TRIM63: variants seen among roughly 807,000 people sequenced by gnomAD.
TRIM63 encodes E3 ubiquitin-protein ligase TRIM63.
TRIM63 carries 48 observed loss-of-function variants against 46.0 expected under a neutral mutation model. That is an observed-to-expected ratio of 1.04 (90% CI 0.83 to 1.33). TRIM63 has a LOEUF of 1.33. TRIM63 is among the 40% of genes most tolerant of loss of function. TRIM63 has a pLI of 0.00. For synonymous variants in TRIM63, 175 were observed against 162.8 expected, an observed-to-expected ratio of 1.08 and a Z score of -0.57; for missense variants, 455 against 441.2, an observed-to-expected ratio of 1.03 and a Z score of -0.28.
In TRIM63 at chr1:26,066,349, A is replaced by G; in HGVS notation, c.251T>C (p.Met84Thr). 6.2e-7 allele frequency: 1 copy of G among 1,614,072 alleles called. No homozygotes were observed. ...RCPTCRHEVIMDRHGVYGLQR... is the reference protein window; with the variant it reads ...RCPTCRHEVITDRHGVYGLQR... The stretch of plus-strand genomic sequence containing the variant: ...CAGGCCGTACACTCCGTGACGATCC[A>G]TGATCACCTCGTGGCGGCAGGTGGG... The change falls in exon 2 of 9, where the codon ATG becomes ACG. Residue 84 changes from methionine (M) to threonine (T), a missense_variant. Transcript: ENST00000374272.
At chr1:26,065,877 C>T (rs987080198) in intron 2 of TRIM63, among the ~76,000 whole-genome samples, 2 of 152,234 alleles carry the variant, frequency 1.3e-5, no homozygotes, top group African/African-American at 4.8e-5. Context: ...CAGTGCCTGA[C>T]GCTGTTCCTC....
intron 4 of TRIM63, among the ~76,000 whole-genome samples, chr1:26,058,924 C>T (rs2050597537): frequency 6.6e-6 from 1 of 152,134 alleles, no homozygotes; most frequent in African/African-American, 2.4e-5. Context: ...CCTGCACCCT[C>T]CCCCTGTCCC....
At chr1:26,053,994 G>A in intron 7 of TRIM63, 30 bp from the exon 8 acceptor site, 1 of 1,535,010 alleles carries the variant, frequency 6.5e-7, no homozygotes, top group Admixed American at 2.0e-5. Flanking sequence ...GTGTTAGGAT[G>A]GGGCCGGTTC....
intron 8 of TRIM63, among the ~76,000 whole-genome samples, chr1:26,053,091 G>A (rs968267469): frequency 1.3e-5 from 2 of 151,840 alleles, no homozygotes; most frequent in Admixed American, 6.6e-5. Context: ...CTACAGATAT[G>A]TACCACCATG....
At chr1:26,060,170 CA>C in intron 4 of TRIM63, 95 bp downstream of exon 4, 1 of 1,149,352 alleles carries the variant, frequency 8.7e-7, no homozygotes, top group Non-Finnish European at 1.3e-6. Flanking sequence ...CTCCGGGCCC[CA>C]ACCTTTAGCC....
chr1:26,061,365 G>A, intron 2 of TRIM63, 31 bp from the exon 3 acceptor site: 1 of 1,606,308 alleles, frequency 6.2e-7, no homozygotes, highest in South Asian at 1.1e-5. Flanking sequence ...AAGTCATGGG[G>A]GTCCTGTGTC....
chr1:26,067,186 C>T (rs1276765498), intron 1 of TRIM63, 150 bp downstream of exon 1: 3 of 972,104 alleles, frequency 3.1e-6, no homozygotes, highest in African/African-American at 3.3e-5. Flanking sequence ...CTCCCAGCCC[C>T]CTCTCAGCCC....
chr1:26,058,569 C>T lies in TRIM63; in HGVS notation c.652G>A (p.Ala218Thr), dbSNP rs1244328297. ...ELSQKFDTLY[A>T]ILDEKKSELL... ...TCACTTTTCTTCTCATCCAGGATGGCATACAACGTGTCAAACTTCTGGCTC... is the reference window on the plus strand; with the variant it reads ...TCACTTTTCTTCTCATCCAGGATGGTATACAACGTGTCAAACTTCTGGCTC... Residue 218 changes from alanine (A) to threonine (T), a missense_variant, in exon 5 of 9, where the codon GCC (alanine) becomes ACC (threonine). Physicochemically the swap from Ala to Thr is moderately conservative, Grantham distance 58 (BLOSUM62 0). Transcript: ENST00000374272. 1 of 1,614,208 alleles carries T rather than the reference C, an allele frequency of 6.2e-7. No individual in the cohort carries two copies. The highest frequency in any genetic ancestry group is 1.7e-5 in the Admixed American group (1 of 60,022).
At chr1:26,061,361 T>C (rs1405547095) in intron 2 of TRIM63, 27 bp from the exon 3 acceptor site, 2 of 1,608,286 alleles carry the variant, frequency 1.2e-6, no homozygotes, top group East Asian at 4.5e-5. Flanking sequence ...TCACAAGTCA[T>C]GGGGGTCCTG....
At chr1:26,057,741 A>T (rs1198546635) in intron 5 of TRIM63, 91 bp from the exon 6 acceptor site, 1 of 1,381,454 alleles carries the variant, frequency 7.2e-7, no homozygotes, top group Non-Finnish European at 9.9e-7. Flanking sequence ...TTGTAGGTAG[A>T]TATTTGGTGC....
At chr1:26,057,725 T>G in intron 5 of TRIM63, 75 bp from the exon 6 acceptor site, 1 of 1,437,888 alleles carries the variant, frequency 7.0e-7, no homozygotes, top group East Asian at 2.3e-5. Flanking sequence ...ACTAGTGAAC[T>G]AGGTGTTGTA....
At chr1:26,056,181 C>T (rs2050569034) in intron 7 of TRIM63, among the ~76,000 whole-genome samples, 1 of 152,092 alleles carries the variant, frequency 6.6e-6, no homozygotes, top group African/African-American at 2.4e-5. Flanking sequence ...AGCTGTGTTT[C>T]CCTTTTAGCT....
At chr1:26,060,387 G>A (rs763137283) in intron 3 of TRIM63, 26 bp from the exon 4 acceptor site, 3 of 1,590,174 alleles carry the variant, frequency 1.9e-6, no homozygotes, top group African/African-American at 2.7e-5. Flanking sequence ...GGGGTCAGGA[G>A]AGGAGAGACA....
At chr1:26,055,703 G>T (rs2050564512) in intron 7 of TRIM63, among the ~76,000 whole-genome samples, 1 of 152,012 alleles carries the variant, frequency 6.6e-6, no homozygotes, top group Admixed American at 6.6e-5. Context: ...TAGAGACGGG[G>T]TTTCTCCGTG....
Position 26,057,484 on chromosome 1 carries a change from A to G in TRIM63, c.854+144T>C, listed in dbSNP as rs139856314. On this transcript the variant is annotated intron_variant, in intron 6 of 8. Transcript: ENST00000374272. ...CAACCTCAAGCACAAGGAGTGGTCC[A>G]AAAAGTCAGGGATGCAAAGGGTCAG... 3.9e-5 allele frequency: 54 copies of G among 1,392,916 alleles called. No homozygotes were observed. The African/African-American group carries it at 7.0e-4, about 18-fold the overall frequency. 86.3% of individuals were successfully genotyped at this position (1,392,916 alleles called of 1,614,324 possible).
At position 26,061,312 on chromosome 1, in the gene TRIM63, G is replaced by A; in HGVS notation, c.355C>T (p.His119Tyr). The change falls in exon 3 of 9, where the codon CAC (histidine) becomes TAC (tyrosine). Residue 119 changes from histidine (H) to tyrosine (Y), a missense_variant. Coordinates refer to ENST00000374272, the MANE Select transcript of TRIM63 (RefSeq NM_032588.4). The part of the protein sequence containing the change: ...CSSRPLQKGS[H>Y]PMCKEHEDEK... ...TCTTCGTGCTCCTTGCACATGGGGT[G>A]ACTGCCCTTCTGCAGCGGCCGACTG... 1 of 1,614,148 alleles carries A rather than the reference G, an allele frequency of 6.2e-7. No homozygotes were observed.
chr1:26,065,437 G>T (rs1197223990), intron 2 of TRIM63, among the ~76,000 whole-genome samples: 1 of 151,838 alleles, frequency 6.6e-6, no homozygotes, highest in African/African-American at 2.4e-5. Context: ...TTCTCCTGAA[G>T]AGCTGGGACT....
chr1:26,060,321 T>A lies in TRIM63; in HGVS notation c.542A>T (p.Asn181Ile), dbSNP rs780477252. 6.2e-7 allele frequency: 1 copy of A among 1,614,012 alleles called. No individual in the cohort carries two copies. Among genetic ancestry groups the A allele is most frequent in the South Asian group, 1.1e-5 (1 of 91,076 alleles). Residue 181 changes from asparagine (N) to isoleucine (I), a missense_variant, in exon 4 of 9, where the codon AAT becomes ATT. By Grantham distance (149) the Asn-to-Ile change is moderately radical. Coordinates refer to ENST00000374272, the MANE Select transcript of TRIM63 (RefSeq NM_032588.4). ...AGTGATGATGGTCTGCACACGGTCA[T>A]TCCCCGCCACCAGCATGGAGATACA... ...NNCISMLVAG[N>I]DRVQTIITQL...
chr1:26,066,199 G>A (rs1557576634), intron 2 of TRIM63, 69 bp downstream of exon 2: 1 of 1,546,404 alleles, frequency 6.5e-7, no homozygotes, highest in Non-Finnish European at 8.9e-7. Flanking sequence ...GAGGGGGAAG[G>A]AGCGTGGGGG....
Sources: gnomAD v4.1 joint callset for allele counts (sites outside exome capture counted in the v4.1 genomes callset) on GRCh38, gnomAD v4.1.1 for gene constraint, MANE v1.5 for transcripts, NCBI Gene and HGNC (gene_info 2026-07-23, HGNC 2026-07-21) for gene names.